ST6GALNAC1: variants seen among roughly 807,000 people sequenced by gnomAD.
ST6GALNAC1 encodes the protein alpha-N-acetylgalactosaminide alpha-2,6-sialyltransferase 1.
In ST6GALNAC1, 45 loss-of-function variants were observed where a neutral mutation model predicts 56.8. The ratio of observed to expected loss-of-function variants is 0.79; its 90% CI spans 0.62 to 1.02. The LOEUF is 1.02. ST6GALNAC1 is among the 50% of genes least tolerant of loss of function. The pLI, the probability that ST6GALNAC1 is intolerant of heterozygous loss-of-function variation, is 0.00. For synonymous variants in ST6GALNAC1, 295 were observed against 297.8 expected (o/e 0.99, Z 0.10); for missense variants, 743 against 754.8 (o/e 0.98, Z 0.18).
chr17:76,629,567 G>T lies in ST6GALNAC1; in HGVS notation c.276C>A (p.Pro92=), dbSNP rs1055347718. Residue 92 remains proline (P), a synonymous_variant, in exon 2 of 9, where the codon CCC becomes CCA. Coordinates refer to ENST00000156626, the MANE Select transcript of ST6GALNAC1 (RefSeq NM_018414.5). ...CTCTGTCTCCGGTGGTGTGGGCCTT[G>T]GGCTGGGTTTGTGTGTTGAGGGCAT... The part of the protein sequence containing the change: ...ENNALNTQTQ[P]KAHTTGDRGK... 6.2e-7 allele frequency: 1 copy of T among 1,613,816 alleles called. No homozygotes were observed. Among genetic ancestry groups the T allele is most frequent in the Non-Finnish European group, 8.5e-7 (1 of 1,179,940 alleles).
chr17:76,625,881 T>C lies in ST6GALNAC1; in HGVS notation c.1543A>G (p.Arg515Gly). The C allele has an allele frequency of 1.3e-6, 2 of 1,562,524 alleles. No individual in the cohort carries two copies. The highest frequency in any genetic ancestry group is 8.7e-7 in the Non-Finnish European group (1 of 1,155,450). Residue 515 changes from arginine (R) to glycine (G), a missense_variant, in exon 8 of 9, where the codon AGG becomes GGG. By Grantham distance (125) the Arg-to-Gly change is moderately radical. Coordinates refer to ENST00000156626, the MANE Select transcript of ST6GALNAC1 (RefSeq NM_018414.5). ...GCCCCAGTGGTGGGGCGGTATATCC[T>C]CCAGTGGGCACCATCCAGGGTCTTA... ...RSKTLDGAHW[R>G]IYRPTTGALL...
At chr17:76,617,848 T>C in the ST6GALNAC1 span, among the ~76,000 whole-genome samples, 1 of 152,178 alleles carries the variant, frequency 6.6e-6, no homozygotes, top group African/African-American at 2.4e-5. Flanking sequence ...GCCCTCAAAA[T>C]TGACTCAAGG....
At chr17:76,630,917 C>T (rs1304876344) in intron 1 of ST6GALNAC1, among the ~76,000 whole-genome samples, 1 of 137,084 alleles carries the variant, frequency 7.3e-6, no homozygotes, top group Non-Finnish European at 1.6e-5. Flanking sequence ...CTTTAAGAGA[C>T]AGAGTCTTGC....
rs376661562 is a variant in ST6GALNAC1, at chr17:76,629,103, C to A, written c.740G>T (p.Arg247Ile). ...GTTGGCGGCCTTCAGTCTTTGGTTT[C>A]TCTGCGTCGTGGGGCTCTGGAAAGG... ...PAPFQSPTTQ[R>I]NQRLKAANFK... The change falls in exon 2 of 9, where the codon AGA becomes ATA. Residue 247 changes from arginine to isoleucine, a missense_variant. Arg to Ile is a moderately conservative substitution (Grantham distance 97). Transcript: ENST00000156626. 19 of 1,600,362 alleles carry A rather than the reference C, an allele frequency of 1.2e-5. No individual in the cohort carries two copies. Among genetic ancestry groups the A allele is most frequent in the Non-Finnish European group, 1.5e-5 (18 of 1,172,200 alleles).
Position 76,626,207 on chromosome 17 carries a change from G to A in ST6GALNAC1, c.1415+82C>T, listed in dbSNP as rs914166225. ...CCATCTCCAGGTGATAGCTAAGGCT[G>A]TCCCCACCTGTCCAACCCTTTAGAG... On this transcript the variant is annotated intron_variant, in intron 6 of 8. Coordinates refer to ENST00000156626, the MANE Select transcript of ST6GALNAC1 (RefSeq NM_018414.5). The A allele has an allele frequency of 4.5e-6, 7 of 1,544,262 alleles. No individual in the cohort carries two copies. In the African/African-American group the frequency reaches 9.5e-5, roughly 21 times the overall value.
In ST6GALNAC1 at chr17:76,626,412, AGTG is replaced by A. The variant is rs1567952098; in HGVS notation, c.1312-23_1312-21del. 6.2e-7 allele frequency: 1 copy of A among 1,611,396 alleles called. No individual in the cohort carries two copies. Among genetic ancestry groups the A allele is most frequent in the East Asian group, 2.2e-5 (1 of 44,872 alleles). On this transcript the variant is annotated intron_variant, in intron 5 of 8. Transcript: ENST00000156626. ...GACGTCCTGAGGACCAAGGACAGGG[AGTG>A]GTCCAAAAGTACTGCCTTCAGGACC...
downstream of ST6GALNAC1, among the ~76,000 whole-genome samples, chr17:76,623,184 G>C (rs970739747): frequency 9.9e-5 from 15 of 152,210 alleles, no homozygotes; most frequent in East Asian, 2.1e-3. Flanking sequence ...CAATGCTTGG[G>C]TCTATTTCTG....
Position 76,625,192 on chromosome 17 carries a change from G to A in ST6GALNAC1, c.*138C>T. ...GCCATCTTGAGAGAGTCTTGTCCATGGTTCAAGTGTTCCCTTGGAACTCCT... is the reference window on the plus strand; with the variant it reads ...GCCATCTTGAGAGAGTCTTGTCCATAGTTCAAGTGTTCCCTTGGAACTCCT... On this transcript the variant is annotated 3_prime_UTR_variant, in exon 9 of 9. Transcript: ENST00000156626. 1.2e-6 allele frequency: 1 copy of A among 853,326 alleles called. No homozygotes were observed. The highest frequency in any genetic ancestry group is 1.8e-6 in the Non-Finnish European group (1 of 563,156). 52.9% of individuals were successfully genotyped at this position (853,326 alleles called of 1,614,324 possible). A position where few individuals can be genotyped will look rare whatever the true frequency, so the allele number is the denominator to read the frequency against.
chr17:76,624,082 C>G (rs1434949181), downstream of ST6GALNAC1, among the ~76,000 whole-genome samples: 4 of 152,176 alleles, frequency 2.6e-5, no homozygotes. Context: ...CACCTGCCGC[C>G]CGGAGCTGGC....
intron 1 of ST6GALNAC1, among the ~76,000 whole-genome samples, chr17:76,630,272 C>T (rs577219372): frequency 1.9e-4 from 29 of 152,194 alleles, no homozygotes; most frequent in African/African-American, 6.7e-4. Flanking sequence ...TATTGTTATT[C>T]GAGGCAGGAA....
the ST6GALNAC1 span, among the ~76,000 whole-genome samples, chr17:76,618,642 G>T: frequency 6.6e-6 from 1 of 152,054 alleles, no homozygotes; most frequent in Non-Finnish European, 1.5e-5. Flanking sequence ...TTAGCCGGGC[G>T]TGGTGGCAGG....
chr17:76,642,060 A>G (rs963181292), intron 1 of ST6GALNAC1, among the ~76,000 whole-genome samples: 1 of 151,104 alleles, frequency 6.6e-6, no homozygotes, highest in Non-Finnish European at 1.5e-5. Context: ...ATATATACAT[A>G]TCTCTCATGC....
chr17:76,626,442 C>A (rs752623563), intron 5 of ST6GALNAC1, 50 bp from the exon 6 acceptor site: 6 of 1,589,288 alleles, frequency 3.8e-6, no homozygotes, highest in Non-Finnish European at 5.2e-6. Context: ...TTCAGGACCA[C>A]CACCGAGGGT....
chr17:76,626,458 A>G, intron 5 of ST6GALNAC1, 66 bp from the exon 6 acceptor site: 2 of 1,552,484 alleles, frequency 1.3e-6, no homozygotes, highest in Non-Finnish European at 1.8e-6. Flanking sequence ...AGGGTGGCCC[A>G]GCTCTGACTC....
At chr17:76,626,244 A>T (rs199823577) in intron 6 of ST6GALNAC1, 45 bp downstream of exon 6, 96 of 1,594,516 alleles carry the variant, frequency 6.0e-5, no homozygotes, top group Non-Finnish European at 7.5e-5. Context: ...CACTCATGAC[A>T]TGGCTCAGCC....
In ST6GALNAC1 at chr17:76,643,366, G is replaced by C. The variant is rs533960021; in HGVS notation, c.131+142C>G. The C allele has an allele frequency of 4.5e-6, 4 of 895,876 alleles. No homozygotes were observed. The African/African-American group carries it at 6.8e-5, about 15-fold the overall frequency. The allele number at this position is 895,876 out of a possible 1,614,324, so 55.5% of individuals were successfully genotyped here. A position where few individuals can be genotyped will look rare whatever the true frequency, so the allele number is the denominator to read the frequency against. On this transcript the variant is annotated intron_variant, in intron 1 of 8. Coordinates refer to ENST00000156626, the MANE Select transcript of ST6GALNAC1 (RefSeq NM_018414.5). The stretch of plus-strand genomic sequence containing the variant: ...CTTCCCATTAGTCTTTCTTCCCAGT[G>C]CTTCTTGAGAACACTCCTGACCCCT...
rs2075864840 is a variant in ST6GALNAC1, at chr17:76,629,679, G to A, written c.164C>T (p.Ser55Phe). ...HQRTENIKER[S>F]LQSLAKPKSQ... The stretch of plus-strand genomic sequence containing the variant: ...CTTAGGCTTTGCCAGGGACTGTAGA[G>A]ACCTTTCTTTAATGTTCTCTGTGCG... Residue 55 changes from serine to phenylalanine, a missense_variant, in exon 2 of 9, where the codon TCT (serine) becomes TTT (phenylalanine). Transcript: ENST00000156626. 1.9e-6 allele frequency: 3 copies of A among 1,613,892 alleles called. No individual in the cohort carries two copies. Among genetic ancestry groups the A allele is most frequent in the Non-Finnish European group, 2.5e-6 (3 of 1,179,996 alleles).
chr17:76,635,909 C>T (rs934882290), intron 1 of ST6GALNAC1, among the ~76,000 whole-genome samples: 8 of 152,088 alleles, frequency 5.3e-5, no homozygotes, highest in African/African-American at 1.9e-4. Flanking sequence ...CATACGTGTG[C>T]GAGGCAGTGG....
At chr17:76,619,393 A>C in the ST6GALNAC1 span, among the ~76,000 whole-genome samples, 1 of 152,224 alleles carries the variant, frequency 6.6e-6, no homozygotes. Flanking sequence ...TCCCACCCAT[A>C]GAATTCTTTC....
Sources: gnomAD v4.1 joint callset for allele counts (sites outside exome capture counted in the v4.1 genomes callset) on GRCh38, gnomAD v4.1.1 for gene constraint, MANE v1.5 for transcripts, NCBI Gene and HGNC (gene_info 2026-07-23, HGNC 2026-07-21) for gene names.